The following FHIT variants were observed in gnomAD, a reference collection of about 807,000 sequenced individuals.
FHIT encodes the protein fragile histidine triad diadenosine triphosphatase.
In FHIT, 19 loss-of-function variants were observed where a neutral mutation model predicts 17.9. That is an observed-to-expected ratio of 1.06 (90% CI 0.74 to 1.56). The LOEUF is 1.56. FHIT is among the 40% of genes most tolerant of loss of function. The pLI is 0.00. For synonymous variants in FHIT, 81 were observed against 69.7 expected, an observed-to-expected ratio of 1.16 and a Z score of -0.81; for missense variants, 248 against 189.2, an observed-to-expected ratio of 1.31 and a Z score of -1.82.
At chr3:61,242,294 A>C (rs4453834) in intron 1 of FHIT, among the ~76,000 whole-genome samples, 64,815 of 151,550 alleles carry the variant, frequency 0.43, 16,774 homozygotes, top group East Asian at 0.78. Flanking sequence ...ACAACAACAA[A>C]AAAAAAAACA....
chr3:61,172,220 A>C (rs928182707), intron 2 of FHIT, among the ~76,000 whole-genome samples: 1 of 152,256 alleles, frequency 6.6e-6, no homozygotes, highest in African/African-American at 2.4e-5. Flanking sequence ...TAAATAAACC[A>C]TGACACAACT....
At chr3:61,004,641 C>T (rs2107610559) in intron 3 of FHIT, among the ~76,000 whole-genome samples, 1 of 152,262 alleles carries the variant, frequency 6.6e-6, no homozygotes, top group South Asian at 2.1e-4. Context: ...AGGGACCCCA[C>T]AGGGAGTGAT....
chr3:61,186,333 G>A (rs917097624), intron 2 of FHIT, among the ~76,000 whole-genome samples: 5 of 152,134 alleles, frequency 3.3e-5, no homozygotes, highest in African/African-American at 9.7e-5. Flanking sequence ...GAATTAAGAC[G>A]GCAGCTAACC....
intron 1 of FHIT, among the ~76,000 whole-genome samples, chr3:61,206,119 G>C (rs1197848891): frequency 2.3e-5 from 3 of 130,110 alleles, no homozygotes; most frequent in East Asian, 2.4e-4. Context: ...TCAAAGATCA[G>C]ATAGTTGTAG....
At chr3:60,403,842 T>A (rs1251312593) in intron 5 of FHIT, among the ~76,000 whole-genome samples, 1 of 152,216 alleles carries the variant, frequency 6.6e-6, no homozygotes, top group African/African-American at 2.4e-5. Context: ...AAGGCTCCCA[T>A]GTCATGTAAA....
intron 8 of FHIT, among the ~76,000 whole-genome samples, chr3:59,796,101 T>A (rs1382798082): frequency 6.6e-6 from 1 of 152,170 alleles, no homozygotes; most frequent in Non-Finnish European, 1.5e-5. Flanking sequence ...CAAGACATGA[T>A]TCTCCCTAAT....
At chr3:61,160,759 A>C (rs1425719184) in intron 2 of FHIT, among the ~76,000 whole-genome samples, 1 of 152,166 alleles carries the variant, frequency 6.6e-6, no homozygotes, top group African/African-American at 2.4e-5. Context: ...AGAATGGGCT[A>C]TTTCTCTACA....
intron 4 of FHIT, among the ~76,000 whole-genome samples, chr3:60,775,738 G>A (rs1191396383): frequency 6.6e-6 from 1 of 151,808 alleles, no homozygotes; most frequent in Non-Finnish European, 1.5e-5. Flanking sequence ...TTCCTTTTTT[G>A]GGATGGACCG....
At chr3:60,062,132 C>T (rs1702318686) in intron 5 of FHIT, among the ~76,000 whole-genome samples, 1 of 152,084 alleles carries the variant, frequency 6.6e-6, no homozygotes, top group South Asian at 2.1e-4. Context: ...TTCAGACCTC[C>T]AAAAGATCAC....
chr3:60,616,175 C>T (rs1368116680), intron 4 of FHIT, among the ~76,000 whole-genome samples: 1 of 152,102 alleles, frequency 6.6e-6, no homozygotes, highest in East Asian at 1.9e-4. Context: ...TAGGTAGTGT[C>T]ACCTGTTTGG....
chr3:60,971,804 AT>A (rs1341876633), intron 3 of FHIT, among the ~76,000 whole-genome samples: 2 of 152,222 alleles, frequency 1.3e-5, no homozygotes, highest in Non-Finnish European at 2.9e-5. Context: ...AAATAAAAAA[AT>A]AAGAATATTA....
At chr3:61,129,285 G>A (rs1009872134) in intron 2 of FHIT, among the ~76,000 whole-genome samples, 6 of 152,122 alleles carry the variant, frequency 3.9e-5, no homozygotes, top group African/African-American at 1.2e-4. Context: ...CCTAATTGTC[G>A]ACATGAGAAA....
intron 5 of FHIT, among the ~76,000 whole-genome samples, chr3:60,212,403 T>C (rs1450948414): frequency 6.6e-6 from 1 of 152,132 alleles, no homozygotes; most frequent in Non-Finnish European, 1.5e-5. Context: ...TTAAAAAGTT[T>C]AGCTAATGTA....
intron 7 of FHIT, among the ~76,000 whole-genome samples, chr3:59,934,572 C>A (rs1706137633): frequency 6.6e-6 from 1 of 152,132 alleles, no homozygotes; most frequent in African/African-American, 2.4e-5. Context: ...ATGTATTAGT[C>A]TGTTCTCACA....
At chr3:60,098,542 T>A (rs1184808660) in intron 5 of FHIT, among the ~76,000 whole-genome samples, 2 of 152,212 alleles carry the variant, frequency 1.3e-5, no homozygotes, top group African/African-American at 2.4e-5. Context: ...TCATATCCTT[T>A]GCCCACTTTT....
chr3:59,839,083 G>C (rs572933470), intron 8 of FHIT, among the ~76,000 whole-genome samples: 5 of 152,060 alleles, frequency 3.3e-5, no homozygotes, highest in African/African-American at 1.2e-4. Context: ...TTGGGAGGCC[G>C]AGGCAGGTGG....
At chr3:60,211,011 G>A (rs1476781400) in intron 5 of FHIT, among the ~76,000 whole-genome samples, 5 of 149,946 alleles carry the variant, frequency 3.3e-5, no homozygotes, top group Admixed American at 6.6e-5. Flanking sequence ...TTATAAATAG[G>A]GGATGGAGTG....
intron 8 of FHIT, among the ~76,000 whole-genome samples, chr3:59,789,399 T>G (rs1699454626): frequency 6.6e-6 from 1 of 152,242 alleles, no homozygotes. Context: ...ACTAACTCAT[T>G]TAATCATTTA....
At chr3:60,889,466 T>C (rs1248199796) in intron 3 of FHIT, among the ~76,000 whole-genome samples, 1 of 152,230 alleles carries the variant, frequency 6.6e-6, no homozygotes, top group Non-Finnish European at 1.5e-5. Flanking sequence ...CACTTTGACA[T>C]TCATTTATAT....
Sources: gnomAD v4.1 joint callset for allele counts (sites outside exome capture counted in the v4.1 genomes callset) on GRCh38, gnomAD v4.1.1 for gene constraint, MANE v1.5 for transcripts, NCBI Gene and HGNC (gene_info 2026-07-23, HGNC 2026-07-21) for gene names.